Variants in MEF2D observed in about 807,000 individuals in gnomAD.
MEF2D encodes the protein myocyte-specific enhancer factor 2D.
A neutral mutation model predicts 59.3 loss-of-function variants in MEF2D; 10 were observed. That is an observed-to-expected ratio of 0.17 (90% CI 0.10 to 0.29). The LOEUF is 0.29. Among genes scored for constraint, MEF2D ranks in the 10% least tolerant of loss-of-function variants. The probability of loss-of-function intolerance (pLI) is 1.00; values close to 1 mark genes in which losing one functional copy is unlikely to be tolerated. For missense variants in MEF2D, 508 were observed against 699.4 expected, an observed-to-expected ratio of 0.73 and a Z score of 3.09; for synonymous variants, 305 against 295.0, an observed-to-expected ratio of 1.03 and a Z score of -0.35.
intron 1 of MEF2D, chr1:156,490,413 GTCTT>G (rs912704470): frequency 5.9e-5 from 9 of 152,440 alleles, no homozygotes; most frequent in African/African-American, 1.9e-4. Flanking sequence ...GGTTCCCACC[GTCTT>G]TCCCTCCCTC....
rs61752714 is a variant in MEF2D at position 156,479,793 on chromosome 1, T to C, written c.400A>G (p.Thr134Ala). Residue 134 changes from threonine to alanine, a missense_variant, in exon 5 of 12, where the codon ACT (threonine) becomes GCT (alanine). This residue lies in a region of MEF2D where 481 missense variants were observed against 584.7 expected (regional missense o/e 0.82). Transcript: ENST00000348159. ...LDGLFRRYGS[T>A]VPAPNFAMPV... is the part of the protein sequence containing the mutation. ...ATGGCAAAGTTGGGGGCCGGGACAG[T>C]TGACTAGACAGAAAGATGGAGGGGC... 783 of 1,551,304 alleles carry C rather than the reference T, an allele frequency of 5.0e-4. 1 individual carries two copies. Among genetic ancestry groups the C allele is most frequent in the Admixed American group, 9.8e-4 (50 of 50,946 alleles).
intron 2 of MEF2D, 27 bp from the exon 3 acceptor site, chr1:156,482,667 A>T (rs1672099749): frequency 1.2e-6 from 2 of 1,612,428 alleles, no homozygotes; most frequent in South Asian, 2.2e-5. Context: ...GTGGGCGGCC[A>T]GATCTGGCTC....
At chr1:156,500,076 G>A (rs1256139878) in intron 1 of MEF2D, among the ~76,000 whole-genome samples, 2 of 152,166 alleles carry the variant, frequency 1.3e-5, no homozygotes, top group South Asian at 2.1e-4. Context: ...GAGGGAGAGG[G>A]AGGGAGGGCC....
rs1235808983 is a variant in MEF2D, at chr1:156,480,852, C to T, written c.378G>A (p.Gly126=). The change falls in exon 4 of 12, where the codon GGG becomes GGA. Residue 126 remains glycine, a synonymous_variant. Coordinates refer to ENST00000348159, the MANE Select transcript of MEF2D (RefSeq NM_005920.4). ...KYRRASEELD[G]LFRRYGSTVP... ...GGCTCACCCCATAGCGCCGGAAGAG[C>T]CCGTCGAGCTCCTCGCTGGCGCGTC... 1.9e-6 allele frequency: 3 copies of T among 1,596,506 alleles called. No homozygotes were observed. Among genetic ancestry groups the T allele is most frequent in the Non-Finnish European group, 2.6e-6 (3 of 1,171,892 alleles).
chr1:156,493,798 C>A (rs1220637743), intron 1 of MEF2D, among the ~76,000 whole-genome samples: 3 of 152,120 alleles, frequency 2.0e-5, no homozygotes, highest in Non-Finnish European at 4.4e-5. Flanking sequence ...CTACTCTTGA[C>A]TCCCCTGCTA....
At chr1:156,490,210 C>T (rs549422187) in intron 1 of MEF2D, among the ~76,000 whole-genome samples, 15 of 152,250 alleles carry the variant, frequency 9.9e-5, no homozygotes, top group African/African-American at 2.9e-4. Context: ...CTGCTCCCCA[C>T]GCCCCTACTC....
chr1:156,467,788 G>C lies in MEF2D; in HGVS notation c.1555-132C>G, dbSNP rs564918472. 7.4e-6 allele frequency: 8 copies of C among 1,085,884 alleles called. No homozygotes were observed. In the South Asian group the frequency reaches 1.3e-4, roughly 18 times the overall value. The allele number at this position is 1,085,884 out of a possible 1,614,324, so 67.3% of individuals were successfully genotyped here. A position where few individuals can be genotyped will look rare whatever the true frequency, so the allele number is the denominator to read the frequency against. On this transcript the variant is annotated intron_variant, in intron 11 of 11. Coordinates refer to ENST00000348159, the MANE Select transcript of MEF2D (RefSeq NM_005920.4). ...CCAGCTGTGAGGGGAAGAAGTCATC[G>C]AGCAGAAGGACTGATGCTGGAGGGA...
In MEF2D at chr1:156,478,610, A is replaced by C. The variant is rs372111126; in HGVS notation, c.664+680T>G. Among the ~76,000 whole-genome samples the C allele has an allele frequency of 2.0e-5, 3 of 152,196 alleles. No individual in the cohort carries two copies. The South Asian group carries it at 6.2e-4, about 32-fold the overall frequency. ...CAATGGCATGATCTCAGTTCACCAC[A>C]ACCTCTGCCTCCTGAGTTTAAGCGA... On this transcript the variant is annotated intron_variant, in intron 6 of 11. Transcript: ENST00000348159.
At chr1:156,481,699 G>A (rs890025081) in intron 3 of MEF2D, among the ~76,000 whole-genome samples, 6 of 152,322 alleles carry the variant, frequency 3.9e-5, no homozygotes, top group Non-Finnish European at 5.9e-5. Flanking sequence ...AAAAATAAGG[G>A]ACTTTCCTCC....
chr1:156,470,476 T>C (rs1671167100), intron 9 of MEF2D, among the ~76,000 whole-genome samples: 1 of 151,784 alleles, frequency 6.6e-6, no homozygotes. Flanking sequence ...GGCTGTACTG[T>C]GGTAGTGGGA....
Position 156,487,793 on chromosome 1 carries a change from C to G in MEF2D, c.-138-4363G>C, listed in dbSNP as rs555449605. ...GCATCTGTTCTCCAGATGTGAGTCT[C>G]TCCTCTCCAGCCTCACCTGGCCCCA... On this transcript the variant is annotated intron_variant, in intron 1 of 11. Transcript: ENST00000348159. 6.4e-4 allele frequency among the ~76,000 whole-genome samples: 97 copies of G among 152,356 alleles called. 3 individuals are homozygous for G. The South Asian group carries it at 0.019, about 30-fold the overall frequency.
rs891016316 is a variant in MEF2D, at chr1:156,466,023, G to C, written c.*1622C>G. On this transcript the variant is annotated 3_prime_UTR_variant, in exon 12 of 12. Transcript: ENST00000348159. ...CACCCCAGGCCAGGCCCCTTAGGGC[G>C]GGGGGTGATCCTAGAGAGCAGGCTG... 6.6e-6 allele frequency: 1 copy of C among 152,174 alleles called. No homozygotes were observed. The highest frequency in any genetic ancestry group is 6.5e-5 in the Admixed American group (1 of 15,274). 9.4% of individuals were successfully genotyped at this position (152,174 alleles called of 1,614,324 possible).
rs748482046 is a variant in MEF2D at position 156,482,411 on chromosome 1, C to G, written c.258+26G>C. On this transcript the variant is annotated intron_variant, in intron 3 of 11. Coordinates refer to ENST00000348159, the MANE Select transcript of MEF2D (RefSeq NM_005920.4). ...CATGTGGATGCAGGCGGGGGTATAT[C>G]CTGGTGCCTGTGTGTATGGGCCCAC... 20 of 1,612,514 alleles carry G rather than the reference C, an allele frequency of 1.2e-5. No homozygotes were observed. The South Asian group carries it at 2.1e-4, about 17-fold the overall frequency.
chr1:156,494,043 G>A (rs540232393), intron 1 of MEF2D, among the ~76,000 whole-genome samples: 1 of 152,138 alleles, frequency 6.6e-6, no homozygotes, highest in Non-Finnish European at 1.5e-5. Context: ...CATAGGTTAA[G>A]GAGAGAGGTG....
At chr1:156,497,418 G>A (rs549421982) in intron 1 of MEF2D, among the ~76,000 whole-genome samples, 3 of 152,314 alleles carry the variant, frequency 2.0e-5, no homozygotes, top group East Asian at 3.9e-4. Flanking sequence ...CCATGGTCCC[G>A]TGGGATGGGG....
chr1:156,498,127 A>AAAAAAAC (rs1673250192), intron 1 of MEF2D, among the ~76,000 whole-genome samples: 1 of 112,678 alleles, frequency 8.9e-6, no homozygotes, highest in African/African-American at 2.9e-5. Context: ...AAAAAAAAAA[A>AAAAAAAC]CCCTGCTACA....
At chr1:156,475,314 G>C in intron 8 of MEF2D, 77 bp from the exon 9 acceptor site, 1 of 1,477,150 alleles carries the variant, frequency 6.8e-7, no homozygotes, top group Non-Finnish European at 9.0e-7. Flanking sequence ...CCAAGGCCAA[G>C]GTGGGGTTCC....
chr1:156,480,791 G>T, intron 4 of MEF2D, 43 bp downstream of exon 4: 1 of 1,597,302 alleles, frequency 6.3e-7, no homozygotes, highest in Non-Finnish European at 8.5e-7. Flanking sequence ...GGGGGAAGGG[G>T]CCGGAAGGGG....
intron 1 of MEF2D, among the ~76,000 whole-genome samples, chr1:156,489,125 A>G (rs16837427): frequency 0.058 from 8,848 of 152,254 alleles, 509 homozygotes; most frequent in African/African-American, 0.15. Context: ...TCATGGTGAG[A>G]AAGGGAGCTC....
Sources: allele counts gnomAD v4.1 joint callset (sites outside exome capture counted in the v4.1 genomes callset), GRCh38; gene constraint gnomAD v4.1.1; regional missense constraint gnomAD v4.1.1; transcripts MANE v1.5; gene names NCBI Gene and HGNC (gene_info 2026-07-23, HGNC 2026-07-21).